GPR83: variants seen among roughly 807,000 people sequenced by gnomAD.
GPR83 encodes G-protein coupled receptor 72.
Under a neutral mutation model 28.0 loss-of-function variants are expected in GPR83, and 23 were observed. That is an observed-to-expected ratio of 0.82 (90% CI 0.59 to 1.16). GPR83 has a LOEUF of 1.16. GPR83 is among the 50% of genes most tolerant of loss of function. The probability of loss-of-function intolerance (pLI) is 0.00; values close to 1 mark genes in which losing one functional copy is unlikely to be tolerated. For synonymous variants in GPR83, 234 were observed against 215.4 expected (o/e 1.09, Z -0.76); for missense variants, 610 against 536.6 (o/e 1.14, Z -1.35).
chr11:94,386,810 C>T lies in GPR83; in HGVS notation c.648-6037G>A, dbSNP rs546365882. Among the ~76,000 whole-genome samples, 5 of 152,300 alleles carry T rather than the reference C, an allele frequency of 3.3e-5. No homozygotes were observed. The South Asian group carries it at 1.0e-3, about 32-fold the overall frequency. On this transcript the variant is annotated intron_variant, in intron 3 of 3. Coordinates refer to ENST00000243673, the MANE Select transcript of GPR83 (RefSeq NM_016540.4). The stretch of plus-strand genomic sequence containing the variant: ...AAGGACATCCAGTAATTGAACTCAG[C>T]TCTGCACCAAGTGGACCTAATAGAC...
chr11:94,386,916 C>T (rs1055070026), intron 3 of GPR83, among the ~76,000 whole-genome samples: 1 of 152,178 alleles, frequency 6.6e-6, no homozygotes, highest in Non-Finnish European at 1.5e-5. Context: ...AAATTGACCA[C>T]ATAGTTGGAA....
chr11:94,401,380 C>T lies in GPR83; in HGVS notation c.-133G>A. The T allele has an allele frequency of 1.2e-6, 1 of 815,054 alleles. No homozygotes were observed. Among genetic ancestry groups the T allele is most frequent in the East Asian group, 3.2e-5 (1 of 31,068 alleles). The allele number at this position is 815,054 out of a possible 1,614,324, so 50.5% of individuals were successfully genotyped here. On this transcript the variant is annotated 5_prime_UTR_variant, in exon 1 of 4. Transcript: ENST00000243673. ...CGAGGAGCCAGGGAGCCCGGACGCG[C>T]GGAGCACCGCGCCGCCCGCCACCAG...
intron 1 of GPR83, among the ~76,000 whole-genome samples, chr11:94,398,716 C>T (rs1434768652): frequency 6.6e-6 from 1 of 152,180 alleles, no homozygotes; most frequent in Non-Finnish European, 1.5e-5. Context: ...GGAAGGGAGA[C>T]CAGGGAAGAA....
chr11:94,387,786 C>T (rs1030817626), intron 3 of GPR83, among the ~76,000 whole-genome samples: 3 of 151,586 alleles, frequency 2.0e-5, no homozygotes, highest in Admixed American at 1.3e-4. Flanking sequence ...TGAAACTATT[C>T]CAATCAATAG....
In GPR83 at chr11:94,400,905, C is replaced by T. The variant is rs1444027392; in HGVS notation, c.343G>A (p.Val115Ile). ...AGCAGCGTGATCATTATGTCGGCAA[C>T]TGCCAGGTTGACGATGAAGAGGCTG... is the stretch of plus-strand genomic sequence containing the variant. Reference protein sequence around the residue: ...ATSLFIVNLAVADIMITLLNT... With the variant: ...ATSLFIVNLAIADIMITLLNT... The change falls in exon 1 of 4, where the codon GTT becomes ATT. Residue 115 changes from valine (V) to isoleucine (I), a missense_variant. Val to Ile is a conservative substitution (Grantham distance 29, BLOSUM62 3). Transcript: ENST00000243673. The T allele has an allele frequency of 1.2e-6, 2 of 1,614,048 alleles. No homozygotes were observed. The highest frequency in any genetic ancestry group is 2.2e-5 in the East Asian group (1 of 44,892).
rs758641821 is a variant in GPR83, at chr11:94,380,485, G to A, written c.936C>T (p.Val312=). The change falls in exon 4 of 4, where the codon GTC becomes GTT. Residue 312 remains valine (V), a synonymous_variant. Coordinates refer to ENST00000243673, the MANE Select transcript of GPR83 (RefSeq NM_016540.4). The part of the protein sequence containing the change: ...ALCWFPLNCY[V]LLLSSKVIRT... Reference sequence around the variant, plus strand: ...GGATGACCTTGCTGGACAGGAGGAGGACGTAGCAGTTGAGGGGGAACCAGC... The same window carrying A: ...GGATGACCTTGCTGGACAGGAGGAGAACGTAGCAGTTGAGGGGGAACCAGC... 5.6e-6 allele frequency: 9 copies of A among 1,614,036 alleles called. No homozygotes were observed. In the Admixed American group the frequency reaches 6.7e-5, roughly 12 times the overall value.
chr11:94,386,368 TG>T (rs1176737470), intron 3 of GPR83, among the ~76,000 whole-genome samples: 1 of 152,160 alleles, frequency 6.6e-6, no homozygotes, highest in Admixed American at 6.5e-5. Context: ...TAAATGTAAA[TG>T]GGCTAAATGC....
Position 94,392,623 on chromosome 11 carries a change from G to A in GPR83, c.647+862C>T, listed in dbSNP as rs187150999. ...GCGGATAACCTGAGATCAGAAGTTC[G>A]ATACCAGCCTGGCCAATACGGTGAA... On this transcript the variant is annotated intron_variant, in intron 3 of 3. Transcript: ENST00000243673. 9.7e-4 allele frequency among the ~76,000 whole-genome samples: 147 copies of A among 152,046 alleles called. 1 individual carries two copies. The highest frequency in any genetic ancestry group is 3.3e-3 in the African/African-American group (136 of 41,478).
Position 94,379,239 on chromosome 11 carries a change from C to G in GPR83, c.*910G>C, listed in dbSNP as rs572682065. On this transcript the variant is annotated 3_prime_UTR_variant, in exon 4 of 4. Transcript: ENST00000243673. ...GCAAAAGATTAGCCGGGCATGGTGG[C>G]GGGCACCTGTAGTCCCAGCTACTAG... is the stretch of plus-strand genomic sequence containing the variant. 2 of 151,992 alleles carry G rather than the reference C, an allele frequency of 1.3e-5. No homozygotes were observed. Among genetic ancestry groups the G allele is most frequent in the African/African-American group, 4.8e-5 (2 of 41,418 alleles). 9.4% of individuals were successfully genotyped at this position (151,992 alleles called of 1,614,324 possible). A position where few individuals can be genotyped will look rare whatever the true frequency, so the allele number is the denominator to read the frequency against.
intron 3 of GPR83, among the ~76,000 whole-genome samples, chr11:94,386,372 C>T (rs1221957197): frequency 6.6e-6 from 1 of 152,116 alleles, no homozygotes; most frequent in Non-Finnish European, 1.5e-5. Flanking sequence ...TGTAAATGGG[C>T]TAAATGCTCC....
chr11:94,380,314 A>G lies in GPR83; in HGVS notation c.1107T>C (p.Pro369=), dbSNP rs1329112293. ...CTGGGGAGGGTGGCCTGTCCTCCTG[A>G]GGCTTGGGAGGTCTTTGACACATGC... ...LLSMCQRPPK[P]QEDRPPSPVP... is the part of the protein sequence containing the mutation. Residue 369 remains proline (P), a synonymous_variant, in exon 4 of 4, where the codon CCT becomes CCC. Transcript: ENST00000243673. 2 of 1,608,866 alleles carry G rather than the reference A, an allele frequency of 1.2e-6. No homozygotes were observed. The highest frequency in any genetic ancestry group is 2.7e-5 in the African/African-American group (2 of 74,854).
At position 94,397,892 on chromosome 11, in the gene GPR83, A is replaced by G. The variant is rs148074150; in HGVS notation, c.388-1368T>C. Among the ~76,000 whole-genome samples, 127 of 152,348 alleles carry G rather than the reference A, an allele frequency of 8.3e-4. 1 individual carries two copies. Among genetic ancestry groups the G allele is most frequent in the African/African-American group, 3.0e-3 (123 of 41,582 alleles). On this transcript the variant is annotated intron_variant, in intron 1 of 3. Coordinates refer to ENST00000243673, the MANE Select transcript of GPR83 (RefSeq NM_016540.4). Reference sequence around the variant, plus strand: ...CATGTCAAGTCCGGCCAGATCTTGAAACTAGGACAACAGACCAGGGATGTT... The same window carrying G: ...CATGTCAAGTCCGGCCAGATCTTGAGACTAGGACAACAGACCAGGGATGTT...
rs542017810 is a variant in GPR83, at chr11:94,382,936, G to A, written c.648-2163C>T. On this transcript the variant is annotated intron_variant, in intron 3 of 3. Coordinates refer to ENST00000243673, the MANE Select transcript of GPR83 (RefSeq NM_016540.4). ...TCCCAGCACTTTCGGAGGCCAAGGCGGGCGGATCATGAGGTCAGGAGCTTG... is the reference window on the plus strand; with the variant it reads ...TCCCAGCACTTTCGGAGGCCAAGGCAGGCGGATCATGAGGTCAGGAGCTTG... Among the ~76,000 whole-genome samples the A allele has an allele frequency of 2.3e-3, 351 of 152,018 alleles. 2 individuals carry two copies. Among genetic ancestry groups the A allele is most frequent in the Admixed American group, 5.0e-3 (76 of 15,262 alleles).
intron 3 of GPR83, among the ~76,000 whole-genome samples, chr11:94,382,499 T>C (rs560603758): frequency 2.0e-5 from 3 of 152,174 alleles, no homozygotes; most frequent in Non-Finnish European, 4.4e-5. Flanking sequence ...TAAATATATA[T>C]GCACCCAATA....
intron 3 of GPR83, among the ~76,000 whole-genome samples, chr11:94,387,404 A>G (rs1944770511): frequency 6.6e-6 from 1 of 152,164 alleles, no homozygotes; most frequent in African/African-American, 2.4e-5. Context: ...TTTTTTGAAA[A>G]GATCAACAAA....
rs377517734 is a variant in GPR83, at chr11:94,400,811, G to A, written c.387+50C>T. 178 of 1,577,396 alleles carry A rather than the reference G, an allele frequency of 1.1e-4. No homozygotes were observed. The East Asian group carries it at 2.6e-3, about 23-fold the overall frequency. On this transcript the variant is annotated intron_variant, in intron 1 of 3. Transcript: ENST00000243673. ...GAGGGAGGCCAGAGAACTGAGAGAG[G>A]AAAGGGAGACGAAGACAGAAGGTGG...
At chr11:94,385,331 GA>G (rs1944741819) in intron 3 of GPR83, among the ~76,000 whole-genome samples, 3 of 152,156 alleles carry the variant, frequency 2.0e-5, no homozygotes, top group Non-Finnish European at 4.4e-5. Flanking sequence ...ACCAGCAATG[GA>G]AAAAAGCTGG....
At chr11:94,396,562 CCTTGA>C (rs1285104406) in intron 1 of GPR83, 38 bp from the exon 2 acceptor site, 1 of 1,604,110 alleles carries the variant, frequency 6.2e-7, no homozygotes. Context: ...GACAGACAGG[CCTTGA>C]CTTTGACACC....
chr11:94,400,546 CA>C (rs34496676), intron 1 of GPR83, among the ~76,000 whole-genome samples: 31,794 of 117,080 alleles, frequency 0.27, 3,850 homozygotes, highest in Non-Finnish European at 0.33. Flanking sequence ...GGCTGAAAGA[CA>C]AAAAAAAAAA....
Sources: gnomAD v4.1 joint callset for allele counts (sites outside exome capture counted in the v4.1 genomes callset) on GRCh38, gnomAD v4.1.1 for gene constraint, MANE v1.5 for transcripts, NCBI Gene and HGNC (gene_info 2026-07-23, HGNC 2026-07-21) for gene names.